Variants in DCP1B observed in about 807,000 individuals in gnomAD.
The protein encoded by DCP1B is decapping mRNA 1B, also known as mRNA-decapping enzyme 1B.
A neutral mutation model predicts 60.5 loss-of-function variants in DCP1B; 47 were observed. The observed-to-expected ratio is 0.78, with a 90% confidence interval of 0.61 to 0.99. The LOEUF (loss-of-function observed/expected upper bound fraction) is 0.99, where lower values mean the gene tolerates loss of function less well. Among genes scored for constraint, DCP1B ranks in the 50% least tolerant of loss-of-function variants. DCP1B has a pLI of 0.00. For missense variants in DCP1B, 725 were observed against 756.8 expected (o/e 0.96, Z 0.49); for synonymous variants, 267 against 280.3 (o/e 0.95, Z 0.47).
chr12:1,996,651 AAAAACAACAAAC>A (rs1565870406), intron 2 of DCP1B, among the ~76,000 whole-genome samples: 27 of 40,520 alleles, frequency 6.7e-4, no homozygotes, highest in Middle Eastern at 0.011. Context: ...AAAAAAAAAA[AAAAACAACAAAC>A]TCTTCTAATG....
chr12:1,999,679 T>C (rs1484660063), intron 1 of DCP1B, among the ~76,000 whole-genome samples: 4 of 152,080 alleles, frequency 2.6e-5, no homozygotes, highest in South Asian at 2.1e-4. Flanking sequence ...TGAGCTATGA[T>C]TGTACCTCTG....
At chr12:1,950,382 A>G (rs2154456468) in intron 7 of DCP1B, 1 of 702,396 alleles carries the variant, frequency 1.4e-6, no homozygotes, top group East Asian at 2.7e-5. Flanking sequence ...TGAGTACTGA[A>G]AAGTCAAGGG....
At position 1,965,487 on chromosome 12, in the gene DCP1B, C is replaced by T. The variant is rs1227806564; in HGVS notation, c.522+71G>A. 12 of 1,484,980 alleles carry T rather than the reference C, an allele frequency of 8.1e-6. No individual in the cohort carries two copies. In the Admixed American group the frequency reaches 1.4e-4, roughly 17 times the overall value. The allele number at this position is 1,484,980 out of a possible 1,614,324, so 92.0% of individuals were successfully genotyped here. A position where few individuals can be genotyped will look rare whatever the true frequency, so the allele number is the denominator to read the frequency against. On this transcript the variant is annotated intron_variant, in intron 5 of 8. Coordinates refer to ENST00000280665, the MANE Select transcript of DCP1B (RefSeq NM_152640.5). The stretch of plus-strand genomic sequence containing the variant: ...AGGAACAGCATCCACAGTACCTAGT[C>T]TTGCTAAACAAGAATATTCCCACTG...
At chr12:1,943,109 G>T (rs2030320478), downstream of DCP1B, among the ~76,000 whole-genome samples, 1 of 152,126 alleles carries the variant, frequency 6.6e-6, no homozygotes, top group African/African-American at 2.4e-5. Flanking sequence ...AAATGACAAA[G>T]GGGATATCAC....
intron 3 of DCP1B, among the ~76,000 whole-genome samples, chr12:1,972,384 G>T (rs999751879): frequency 6.6e-6 from 1 of 152,160 alleles, no homozygotes; most frequent in African/African-American, 2.4e-5. Context: ...TCTAGATCAA[G>T]CTTTAATAAA....
rs140727003 is a variant in DCP1B at position 1,952,236 on chromosome 12, C to T, written c.1524+180G>A. On this transcript the variant is annotated intron_variant, in intron 7 of 8. Transcript: ENST00000280665. ...TCACCCAGGCTGGAGTGCAGTGGCA[C>T]GATCATGGTTCACTGTAACCTCCGC... Among the ~76,000 whole-genome samples the T allele has an allele frequency of 3.7e-3, 559 of 152,110 alleles. 3 individuals carry two copies. Among genetic ancestry groups the T allele is most frequent in the African/African-American group, 0.013 (533 of 41,484 alleles).
At chr12:1,949,422 C>A in intron 7 of DCP1B, 88 bp from the exon 8 acceptor site, 1 of 1,551,600 alleles carries the variant, frequency 6.4e-7, no homozygotes. Context: ...GTGGTCTAAG[C>A]ATTCCCTGTC....
chr12:2,001,873 C>T (rs1327654966), intron 1 of DCP1B, among the ~76,000 whole-genome samples: 1 of 152,218 alleles, frequency 6.6e-6, no homozygotes, highest in Non-Finnish European at 1.5e-5. Flanking sequence ...CAACCAAAAA[C>T]GTCTCCAGAC....
Position 1,962,437 on chromosome 12 carries a change from G to A in DCP1B, c.522+3121C>T, listed in dbSNP as rs1385842428. 6.6e-6 allele frequency among the ~76,000 whole-genome samples: 1 copy of A among 152,140 alleles called. No individual in the cohort carries two copies. Among genetic ancestry groups the A allele is most frequent in the Non-Finnish European group, 1.5e-5 (1 of 68,034 alleles). On this transcript the variant is annotated intron_variant, in intron 5 of 8. Coordinates refer to ENST00000280665, the MANE Select transcript of DCP1B (RefSeq NM_152640.5). The surrounding 1 kb of genome is among the most constrained non-coding windows in gnomAD (Gnocchi z 4.4). The stretch of plus-strand genomic sequence containing the variant: ...CAGAAACAATACAAGGTATGTGTGT[G>A]TTGAGAGGAGGGAGGGAAAGAAAGG...
downstream of DCP1B, among the ~76,000 whole-genome samples, chr12:1,943,755 A>G (rs942053247): frequency 6.6e-6 from 1 of 152,080 alleles, no homozygotes; most frequent in African/African-American, 2.4e-5. Flanking sequence ...CACGCTAAAA[A>G]CTCTCAATAA....
chr12:1,965,359 C>A (rs1404472947), intron 5 of DCP1B, among the ~76,000 whole-genome samples, 199 bp downstream of exon 5: 4 of 152,076 alleles, frequency 2.6e-5, no homozygotes, highest in Non-Finnish European at 5.9e-5. Flanking sequence ...ATTTCTCAGG[C>A]TATTTTTTAA....
At chr12:1,986,368 G>C (rs755620635) in intron 3 of DCP1B, among the ~76,000 whole-genome samples, 1 of 152,072 alleles carries the variant, frequency 6.6e-6, no homozygotes, top group Non-Finnish European at 1.5e-5. Context: ...CCAGTCTTCC[G>C]ACTACAAAGT....
rs920058478 is a variant in DCP1B at position 1,952,749 on chromosome 12, T to A, written c.1191A>T (p.Gly397=). 3 of 1,614,068 alleles carry A rather than the reference T, an allele frequency of 1.9e-6. No individual in the cohort carries two copies. In the African/African-American group the frequency reaches 4.0e-5, roughly 22 times the overall value. ...APTSVTPVAP[G]KGLAQPPQAY... is the part of the protein sequence containing the mutation. ...CCTGTGGTGGCTGAGCCAGACCCTT[T>A]CCTGGAGCCACAGGGGTGACAGAAG... Residue 397 remains glycine (G), a synonymous_variant, in exon 7 of 9, where the codon GGA becomes GGT. Coordinates refer to ENST00000280665, the MANE Select transcript of DCP1B (RefSeq NM_152640.5).
At chr12:1,960,300 G>A (rs1373355368) in intron 5 of DCP1B, among the ~76,000 whole-genome samples, 1 of 152,240 alleles carries the variant, frequency 6.6e-6, no homozygotes, top group Non-Finnish European at 1.5e-5. Flanking sequence ...AGAAAGGCAA[G>A]TACTGCATGA....
chr12:1,983,411 G>T lies in DCP1B; in HGVS notation c.319+9853C>A, dbSNP rs555702523. ...TTTCCCTGTAAGTCCAACTTTGGTT[G>T]CAACTGAAATATTATAATTTTCATT... On this transcript the variant is annotated intron_variant, in intron 3 of 8. Transcript: ENST00000280665. Among the ~76,000 whole-genome samples, 16 of 151,992 alleles carry T rather than the reference G, an allele frequency of 1.1e-4. No individual in the cohort carries two copies. In the South Asian group the frequency reaches 3.1e-3, roughly 30 times the overall value.
In DCP1B at chr12:1,948,523, A is replaced by G. The variant is rs1323662822; in HGVS notation, c.1773+563T>C. On this transcript the variant is annotated intron_variant, in intron 8 of 8. Transcript: ENST00000280665. The surrounding 1 kb of genome is among the most constrained non-coding windows in gnomAD (Gnocchi z 4.8). ...GTTAGCTATTATAGCACTCATTATT[A>G]TTTCATAATTTCATAGGCAAGTGAG... Among the ~76,000 whole-genome samples, 2 of 152,166 alleles carry G rather than the reference A, an allele frequency of 1.3e-5. No homozygotes were observed. The highest frequency in any genetic ancestry group is 4.8e-5 in the African/African-American group (2 of 41,426).
At chr12:1,950,295 G>A (rs776747131) in intron 7 of DCP1B, 34 of 702,110 alleles carry the variant, frequency 4.8e-5, no homozygotes, top group Non-Finnish European at 5.7e-5. Context: ...TGATGCTCCC[G>A]GAGGTGGAGT....
At position 1,952,565 on chromosome 12, in the gene DCP1B, CA is replaced by C. The variant is rs1437638215; in HGVS notation, c.1374del (p.Ile458MetfsTer114). 1 of 1,614,062 alleles carries C rather than the reference CA, an allele frequency of 6.2e-7. No individual in the cohort carries two copies. The highest frequency in any genetic ancestry group is 1.3e-5 in the African/African-American group (1 of 74,924). ...SPQELLKKLQ[I>X]VQQEQQLHAS... ...GCATGCAGCTGCTGCTCCTGCTGTA[CA>C]ATCTGAAGCTTCTTCAGTAACTCTT... On this transcript the variant is annotated frameshift_variant, in exon 7 of 9. Coordinates refer to ENST00000280665, the MANE Select transcript of DCP1B (RefSeq NM_152640.5). LOFTEE classifies it high-confidence loss of function.
chr12:1,958,135 G>A (rs1382273872), intron 5 of DCP1B, among the ~76,000 whole-genome samples: 6 of 146,596 alleles, frequency 4.1e-5, no homozygotes, highest in African/African-American at 7.5e-5. Context: ...CCCTAACGTC[G>A]CTCTGGGCAA....
Sources: allele counts gnomAD v4.1 joint callset (sites outside exome capture counted in the v4.1 genomes callset), GRCh38; gene constraint gnomAD v4.1.1; non-coding constraint Gnocchi (gnomAD v3.1); transcripts MANE v1.5; gene names NCBI Gene and HGNC (gene_info 2026-07-23, HGNC 2026-07-21).